SMC1B: variants seen among roughly 807,000 people sequenced by gnomAD.
SMC1B encodes the protein structural maintenance of chromosomes 1B, also known as structural maintenance of chromosomes protein 1B.
A neutral mutation model predicts 157.9 loss-of-function variants in SMC1B; 60 were observed. The observed-to-expected ratio is 0.38, with a 90% CI of 0.31 to 0.47. The LOEUF (loss-of-function observed/expected upper bound fraction) is 0.47. Among genes scored for constraint, SMC1B ranks in the 20% least tolerant of loss-of-function variants. The pLI is 0.99. For synonymous variants in SMC1B, 445 were observed against 483.0 expected (o/e 0.92, Z 1.03); for missense variants, 1,165 against 1,426.2 (o/e 0.82, Z 2.95).
chr22:45,367,830 C>T (rs2086791065), intron 15 of SMC1B, among the ~76,000 whole-genome samples: 1 of 152,164 alleles, frequency 6.6e-6, no homozygotes, highest in Non-Finnish European at 1.5e-5. Flanking sequence ...TTATTGTCTG[C>T]AAGATTTTTC....
intron 23 of SMC1B, among the ~76,000 whole-genome samples, chr22:45,345,837 C>T (rs9614647): frequency 0.87 from 132,605 of 152,258 alleles, 57,843 homozygotes; most frequent in African/African-American, 0.91. Context: ...GAATAGGTAA[C>T]CAGCCTTTAT....
At chr22:45,391,968 G>A (rs971848697) in intron 9 of SMC1B, among the ~76,000 whole-genome samples, 1 of 151,776 alleles carries the variant, frequency 6.6e-6, no homozygotes, top group African/African-American at 2.4e-5. Flanking sequence ...TTTTGTTTTT[G>A]TTTTTTTGAA....
At chr22:45,367,550 CA>C (rs1379295376) in intron 15 of SMC1B, among the ~76,000 whole-genome samples, 1 of 152,222 alleles carries the variant, frequency 6.6e-6, no homozygotes, top group Non-Finnish European at 1.5e-5. Context: ...GACCAAGTTA[CA>C]CAGCAGAGTT....
At chr22:45,363,399 A>G (rs1041373930) in intron 15 of SMC1B, among the ~76,000 whole-genome samples, 1 of 152,208 alleles carries the variant, frequency 6.6e-6, no homozygotes, top group Non-Finnish European at 1.5e-5. Context: ...ATTTTCTTTT[A>G]TTCTGGGCGC....
intron 9 of SMC1B, among the ~76,000 whole-genome samples, chr22:45,391,983 T>G (rs902566090): frequency 6.6e-6 from 1 of 152,156 alleles, no homozygotes. Context: ...TTTGAAACAG[T>G]CTCACTCTGT....
chr22:45,408,039 G>A (rs1233461878), intron 2 of SMC1B, among the ~76,000 whole-genome samples: 1 of 152,110 alleles, frequency 6.6e-6, no homozygotes, highest in Non-Finnish European at 1.5e-5. Flanking sequence ...CATACAATTT[G>A]TTCATCACTA....
intron 15 of SMC1B, among the ~76,000 whole-genome samples, chr22:45,367,554 G>GCA (rs1283144663): frequency 1.3e-5 from 2 of 152,180 alleles, no homozygotes; most frequent in African/African-American, 4.8e-5. Context: ...AAGTTACACA[G>GCA]CAGAGTTTCC....
chr22:45,352,682 C>A, intron 21 of SMC1B, 80 bp from the exon 22 acceptor site: 1 of 1,367,058 alleles, frequency 7.3e-7, no homozygotes, highest in South Asian at 1.4e-5. Flanking sequence ...GCAAAATATT[C>A]TATTGGTTAG....
At chr22:45,397,026 G>A (rs941024595) in intron 6 of SMC1B, among the ~76,000 whole-genome samples, 7 of 151,864 alleles carry the variant, frequency 4.6e-5, no homozygotes, top group Non-Finnish European at 8.8e-5. Flanking sequence ...CATTTTTATC[G>A]TTTATCTCTT....
chr22:45,399,066 A>G, intron 6 of SMC1B, 29 bp downstream of exon 6: 1 of 1,581,468 alleles, frequency 6.3e-7, no homozygotes. Flanking sequence ...ATAGAAACAC[A>G]AGATTTCCCC....
At chr22:45,355,630 T>G (rs1221983806) in intron 19 of SMC1B, among the ~76,000 whole-genome samples, 1 of 152,118 alleles carries the variant, frequency 6.6e-6, no homozygotes, top group African/African-American at 2.4e-5. Flanking sequence ...AGACTTCTAA[T>G]AGGGCAAGCA....
At chr22:45,349,594 ATAGT>A (rs2086590513) in intron 23 of SMC1B, 130 bp downstream of exon 23, 1 of 587,970 alleles carries the variant, frequency 1.7e-6, no homozygotes, top group Admixed American at 3.3e-5. Context: ...TCGGCCTCCC[ATAGT>A]GCTGGGATTA....
At chr22:45,381,311 G>T (rs2086934640) in intron 12 of SMC1B, among the ~76,000 whole-genome samples, 3 of 152,024 alleles carry the variant, frequency 2.0e-5, no homozygotes, top group South Asian at 4.1e-4. Context: ...ACCCCACAAG[G>T]ATTTTCTATA....
chr22:45,385,212 G>A (rs1415559988), intron 11 of SMC1B, among the ~76,000 whole-genome samples: 4 of 151,990 alleles, frequency 2.6e-5, no homozygotes, highest in African/African-American at 9.7e-5. Flanking sequence ...AAAATATGGT[G>A]CCCAAACTAT....
At chr22:45,369,649 T>G (rs1602062803) in intron 15 of SMC1B, among the ~76,000 whole-genome samples, 1 of 150,962 alleles carries the variant, frequency 6.6e-6, no homozygotes. Context: ...TTCACACCAT[T>G]CTCCTGCCTC....
At chr22:45,392,042 G>C (rs1294031573) in intron 9 of SMC1B, among the ~76,000 whole-genome samples, 2 of 152,146 alleles carry the variant, frequency 1.3e-5, no homozygotes, top group African/African-American at 4.8e-5. Flanking sequence ...TGCCTCCCGG[G>C]TTCAAGCAAT....
intron 22 of SMC1B, among the ~76,000 whole-genome samples, chr22:45,350,216 C>A (rs9614649): frequency 0.11 from 16,170 of 151,360 alleles, 1,219 homozygotes; most frequent in East Asian, 0.32. Context: ...TGATGGCTCC[C>A]GCCCTCTTAC....
intron 19 of SMC1B, among the ~76,000 whole-genome samples, chr22:45,355,464 G>A (rs1461218675): frequency 6.6e-6 from 1 of 152,082 alleles, no homozygotes; most frequent in Non-Finnish European, 1.5e-5. Flanking sequence ...AGACTTACAG[G>A]GAAGTCAGAC....
chr22:45,404,507 G>T (rs986492259), intron 4 of SMC1B, among the ~76,000 whole-genome samples: 1 of 152,128 alleles, frequency 6.6e-6, no homozygotes, highest in Non-Finnish European at 1.5e-5. Context: ...AGTCTGATAA[G>T]AAACATTTAC....
Sources: allele counts gnomAD v4.1 joint callset (sites outside exome capture counted in the v4.1 genomes callset), GRCh38; gene constraint gnomAD v4.1.1; transcripts MANE v1.5; gene names NCBI Gene and HGNC (gene_info 2026-07-23, HGNC 2026-07-21).